The following PTH2R variants were observed in gnomAD, a reference collection of about 807,000 sequenced individuals.
PTH2R encodes parathyroid hormone 2 receptor.
PTH2R carries 59 observed loss-of-function variants against 60.3 expected under a neutral mutation model. The observed-to-expected ratio is 0.98, with a 90% CI of 0.79 to 1.22. The LOEUF (loss-of-function observed/expected upper bound fraction) is 1.22, where lower values mean the gene tolerates loss of function less well. Among genes scored for constraint, PTH2R ranks in the 50% most tolerant of loss-of-function variants. PTH2R has a pLI of 0.00. For missense variants in PTH2R, 749 were observed against 682.6 expected, an observed-to-expected ratio of 1.10 and a Z score of -1.08; for synonymous variants, 256 against 243.8, an observed-to-expected ratio of 1.05 and a Z score of -0.47.
At chr2:208,396,004 CCA>C (rs1701201721) in intron 1 of PTH2R, among the ~76,000 whole-genome samples, 1 of 152,138 alleles carries the variant, frequency 6.6e-6, no homozygotes, top group African/African-American at 2.4e-5. Flanking sequence ...AGAAATAACA[CCA>C]CACATCTACA....
At chr2:208,362,663 G>A (rs1469636550) in intron 1 of PTH2R, among the ~76,000 whole-genome samples, 2 of 152,224 alleles carry the variant, frequency 1.3e-5, no homozygotes, top group African/African-American at 4.8e-5. Context: ...TTGAGACCCT[G>A]CTCTGAGTTC....
At chr2:208,413,601 T>G (rs1701583875) in intron 1 of PTH2R, among the ~76,000 whole-genome samples, 1 of 152,252 alleles carries the variant, frequency 6.6e-6, no homozygotes, top group South Asian at 2.1e-4. Flanking sequence ...TTGAACATTT[T>G]TAACATATGG....
chr2:208,473,633 T>C (rs1702932606), intron 9 of PTH2R, among the ~76,000 whole-genome samples: 1 of 152,214 alleles, frequency 6.6e-6, no homozygotes, highest in Non-Finnish European at 1.5e-5. Context: ...GTCTTCCCTG[T>C]GTGCTCCTCA....
At position 208,406,987 on chromosome 2, in the gene PTH2R, A is replaced by G; in HGVS notation, c.-57A>G. 7.5e-7 allele frequency: 1 copy of G among 1,335,532 alleles called. No individual in the cohort carries two copies. The highest frequency in any genetic ancestry group is 9.7e-7 in the Non-Finnish European group (1 of 1,026,882). 82.7% of individuals were successfully genotyped at this position (1,335,532 alleles called of 1,614,324 possible). On this transcript the variant is annotated 5_prime_UTR_variant, in exon 1 of 13. Transcript: ENST00000272847. ...TGGGCCAGCCAAGTTGGCAACTTGGAAGCTTCTCCCGGGCTCTGGAGGAGG... is the reference window on the plus strand; with the variant it reads ...TGGGCCAGCCAAGTTGGCAACTTGGGAGCTTCTCCCGGGCTCTGGAGGAGG...
Position 208,481,124 on chromosome 2 carries a change from G to C in PTH2R, c.1036G>C (p.Glu346Gln). The change falls in exon 10 of 13, where the codon GAG (glutamate) becomes CAG (glutamine). Residue 346 changes from glutamate to glutamine, a missense_variant. Transcript: ENST00000272847. ...TAGAGTTCTAGCTACCAAAATCTGGGAGACCAATGCAGTTGGGCATGACAC... is the reference window on the plus strand; with the variant it reads ...TAGAGTTCTAGCTACCAAAATCTGGCAGACCAATGCAGTTGGGCATGACAC... ...TVRVLATKIW[E>Q]TNAVGHDTRK... is the part of the protein sequence containing the mutation. 6.2e-7 allele frequency: 1 copy of C among 1,612,242 alleles called. No individual in the cohort carries two copies. Among genetic ancestry groups the C allele is most frequent in the South Asian group, 1.1e-5 (1 of 90,892 alleles).
intron 7 of PTH2R, among the ~76,000 whole-genome samples, chr2:208,449,456 T>C (rs548328941): frequency 1.3e-5 from 2 of 151,834 alleles, no homozygotes; most frequent in African/African-American, 4.8e-5. Flanking sequence ...GATAGATAAA[T>C]AGATAGATAG....
chr2:208,442,556 C>A, intron 5 of PTH2R, 95 bp downstream of exon 5: 1 of 968,684 alleles, frequency 1.0e-6, no homozygotes, highest in Non-Finnish European at 1.6e-6. Context: ...CAAATGTTTT[C>A]CTCAAATGCA....
intron 1 of PTH2R, among the ~76,000 whole-genome samples, chr2:208,390,845 T>G (rs1424979763): frequency 2.0e-5 from 3 of 152,176 alleles, no homozygotes; most frequent in African/African-American, 7.2e-5. Flanking sequence ...AAGTATTTGA[T>G]GAGGTAGGGG....
At chr2:208,372,904 G>A (rs1408185164) in intron 1 of PTH2R, among the ~76,000 whole-genome samples, 2 of 151,956 alleles carry the variant, frequency 1.3e-5, no homozygotes, top group African/African-American at 2.4e-5. Flanking sequence ...GGGCAACATG[G>A]CAAAACCCCG....
At chr2:208,423,567 C>G (rs1351925520) in intron 1 of PTH2R, among the ~76,000 whole-genome samples, 2 of 152,118 alleles carry the variant, frequency 1.3e-5, no homozygotes, top group African/African-American at 4.8e-5. Flanking sequence ...AGTGTATTCT[C>G]CATTGCTGGG....
chr2:208,363,983 C>CT (rs1321346684), intron 1 of PTH2R, among the ~76,000 whole-genome samples: 4 of 152,076 alleles, frequency 2.6e-5, no homozygotes, highest in Non-Finnish European at 5.9e-5. Flanking sequence ...TTGATAGTTT[C>CT]TTTTGCTATG....
At chr2:208,389,961 A>G (rs1333582386) in intron 1 of PTH2R, among the ~76,000 whole-genome samples, 1 of 152,130 alleles carries the variant, frequency 6.6e-6, no homozygotes, top group Non-Finnish European at 1.5e-5. Flanking sequence ...ATGAGGGAGC[A>G]TGTTTGGAGA....
At chr2:208,475,382 C>G (rs187016981) in intron 9 of PTH2R, among the ~76,000 whole-genome samples, 29 of 152,190 alleles carry the variant, frequency 1.9e-4, no homozygotes, top group African/African-American at 7.0e-4. Context: ...AAATCCTAAA[C>G]TCAGTGTTTA....
At chr2:208,384,145 T>TTTA (rs1333124505) in intron 1 of PTH2R, among the ~76,000 whole-genome samples, 2 of 152,164 alleles carry the variant, frequency 1.3e-5, no homozygotes, top group Non-Finnish European at 2.9e-5. Context: ...AGAAAACAAG[T>TTTA]GCAATAGCAG....
chr2:208,441,520 C>A (rs1483780851), intron 4 of PTH2R, among the ~76,000 whole-genome samples: 1 of 152,194 alleles, frequency 6.6e-6, no homozygotes, highest in Non-Finnish European at 1.5e-5. Context: ...TATTAGATTA[C>A]ATCCTTTTTG....
At chr2:208,403,387 G>T (rs944798040), upstream of PTH2R, among the ~76,000 whole-genome samples, 2 of 152,186 alleles carry the variant, frequency 1.3e-5, no homozygotes, top group Non-Finnish European at 2.9e-5. Context: ...ATTCTTGACA[G>T]AAGAGTGTGT....
intron 10 of PTH2R, 40 bp from the exon 11 acceptor site, chr2:208,488,972 C>T (rs1350974331): frequency 6.2e-7 from 1 of 1,609,590 alleles, no homozygotes; most frequent in East Asian, 2.2e-5. Context: ...CTGAAAGGCA[C>T]TCTAGTTAAT....
chr2:208,455,255 A>G (rs576611897), intron 8 of PTH2R, among the ~76,000 whole-genome samples: 5 of 152,206 alleles, frequency 3.3e-5, no homozygotes, highest in Admixed American at 1.3e-4. Flanking sequence ...TAATGCTATC[A>G]TGATCATATT....
At position 208,437,438 on chromosome 2, in the gene PTH2R, C is replaced by T. The variant is rs182897187; in HGVS notation, c.179-99C>T. On this transcript the variant is annotated intron_variant, in intron 2 of 12. Coordinates refer to ENST00000272847, the MANE Select transcript of PTH2R (RefSeq NM_005048.4). ...CTACCAATTTGTTTTAATTTTGCTA[C>T]AGACAATGACCTAAAATTTTGTTTT... 617 of 858,252 alleles carry T rather than the reference C, an allele frequency of 7.2e-4. 2 individuals are homozygous for T. In the African/African-American group the frequency reaches 9.8e-3, roughly 14 times the overall value. 53.2% of individuals were successfully genotyped at this position (858,252 alleles called of 1,614,324 possible). A position where few individuals can be genotyped will look rare whatever the true frequency, so the allele number is the denominator to read the frequency against.
Sources: gnomAD v4.1 joint callset for allele counts (sites outside exome capture counted in the v4.1 genomes callset) on GRCh38, gnomAD v4.1.1 for gene constraint, MANE v1.5 for transcripts, NCBI Gene and HGNC (gene_info 2026-07-23, HGNC 2026-07-21) for gene names.